The following CHSY1 variants were observed in gnomAD, a reference collection of about 807,000 sequenced individuals.
The protein encoded by CHSY1 is chondroitin sulfate synthase 1.
In CHSY1, 13 loss-of-function variants were observed where a neutral mutation model predicts 59.8. The observed-to-expected ratio is 0.22, with a 90% CI of 0.14 to 0.35. The LOEUF is 0.35. CHSY1 is among the 10% of genes least tolerant of loss of function. The pLI, the probability that CHSY1 is intolerant of heterozygous loss-of-function variation, is 1.00. For missense variants in CHSY1, 947 were observed against 1,030.6 expected (o/e 0.92, Z 1.11); for synonymous variants, 459 against 401.2 (o/e 1.14, Z -1.72).
At chr15:101,215,908 A>C (rs1444481746) in intron 2 of CHSY1, among the ~76,000 whole-genome samples, 1 of 152,226 alleles carries the variant, frequency 6.6e-6, no homozygotes, top group Non-Finnish European at 1.5e-5. Flanking sequence ...AAGGTTAAGT[A>C]ATCCATATTA....
chr15:101,251,281 C>T lies in CHSY1; in HGVS notation c.176G>A (p.Gly59Asp). The change falls in exon 1 of 3, where the codon GGC becomes GAC. Residue 59 changes from glycine to aspartate, a missense_variant. Physicochemically the swap from Gly to Asp is moderately conservative, Grantham distance 94 (BLOSUM62 -1). This residue lies in a region of CHSY1 where 232 missense variants were observed against 188.5 expected (regional missense o/e 1.23). Coordinates refer to ENST00000254190, the MANE Select transcript of CHSY1 (RefSeq NM_014918.5). ...RSGQAAASQA[G>D]GARGDARGAQ... ...CCCGCGCGCATCGCCGCGCGCCCCG[C>T]CGGCCTGGGAAGCCGCCGCCTGCCC... 7.8e-7 allele frequency: 1 copy of T among 1,283,726 alleles called. No homozygotes were observed. Among genetic ancestry groups the T allele is most frequent in the Non-Finnish European group, 9.8e-7 (1 of 1,018,710 alleles). The allele number at this position is 1,283,726 out of a possible 1,614,324, so 79.5% of individuals were successfully genotyped here.
rs550860145 is a variant in CHSY1 at position 101,190,209 on chromosome 15, A to T, written c.817-11229T>A. Among the ~76,000 whole-genome samples the T allele has an allele frequency of 2.0e-5, 3 of 152,076 alleles. No homozygotes were observed. In the East Asian group the frequency reaches 5.8e-4, roughly 29 times the overall value. On this transcript the variant is annotated intron_variant, in intron 2 of 2. Coordinates refer to ENST00000254190, the MANE Select transcript of CHSY1 (RefSeq NM_014918.5). ...TTTCTTTCAAAAAAGAGGGTAAGAA[A>T]AACACTGGAGAGGGGACTGAGGGAA...
In CHSY1 at chr15:101,176,152, A is replaced by C. The variant is rs369417198; in HGVS notation, c.*1236T>G. On this transcript the variant is annotated 3_prime_UTR_variant, in exon 3 of 3. Coordinates refer to ENST00000254190, the MANE Select transcript of CHSY1 (RefSeq NM_014918.5). The stretch of plus-strand genomic sequence containing the variant: ...GTTTACTGCAAATAAAACAGACTAA[A>C]CACACTCCCGATACACATAAATAAT... 3 of 398,078 alleles carry C rather than the reference A, an allele frequency of 7.5e-6. No individual in the cohort carries two copies. The Admixed American group carries it at 1.3e-4, about 18-fold the overall frequency. The allele number at this position is 398,078 out of a possible 1,614,324, so 24.7% of individuals were successfully genotyped here.
chr15:101,206,834 T>C (rs329294), intron 2 of CHSY1, among the ~76,000 whole-genome samples: 9,035 of 152,278 alleles, frequency 0.059, 402 homozygotes, highest in Non-Finnish European at 0.086. Flanking sequence ...CCAAATTTCT[T>C]TTCTCATTTT....
chr15:101,181,233 C>G (rs1261806578), intron 2 of CHSY1, among the ~76,000 whole-genome samples: 1 of 152,138 alleles, frequency 6.6e-6, no homozygotes, highest in African/African-American at 2.4e-5. Context: ...CGGCAGAGAC[C>G]CACAAGCCCA....
Position 101,178,052 on chromosome 15 carries a change from T to G in CHSY1, c.1745A>C (p.Lys582Thr). ...FNSDSNPDKA[K>T]QVELMRDYRI... ...GTAATCTCTCATCAGTTCAACTTGT[T>G]TGGCCTTGTCAGGGTTGGAGTCAGA... The change falls in exon 3 of 3, where the codon AAA (lysine) becomes ACA (threonine). Residue 582 changes from lysine (K) to threonine (T), a missense_variant. Physicochemically the swap from Lys to Thr is moderately conservative, Grantham distance 78. Around this residue, in one of 4 missense-constraint regions of CHSY1, gnomAD observed 602 missense variants for 676.9 expected, o/e 0.89. Transcript: ENST00000254190. 6.2e-7 allele frequency: 1 copy of G among 1,614,188 alleles called. No homozygotes were observed. The highest frequency in any genetic ancestry group is 8.5e-7 in the Non-Finnish European group (1 of 1,180,024).
chr15:101,219,460 G>A (rs1430527704), intron 2 of CHSY1, among the ~76,000 whole-genome samples: 1 of 152,192 alleles, frequency 6.6e-6, no homozygotes. Flanking sequence ...CACGTAGGGA[G>A]GGGTGGATTA....
At chr15:101,184,964 C>T (rs1281190732) in intron 2 of CHSY1, among the ~76,000 whole-genome samples, 2 of 152,184 alleles carry the variant, frequency 1.3e-5, no homozygotes, top group Non-Finnish European at 2.9e-5. Context: ...ATAGCTCTCC[C>T]TTTCTAAAAG....
chr15:101,227,725 G>A (rs1345326366), intron 2 of CHSY1, among the ~76,000 whole-genome samples: 1 of 152,204 alleles, frequency 6.6e-6, no homozygotes, highest in Non-Finnish European at 1.5e-5. Flanking sequence ...TTCAGGGCAA[G>A]CACCAACAGG....
chr15:101,241,987 T>C (rs2039007643), intron 1 of CHSY1, among the ~76,000 whole-genome samples: 1 of 152,234 alleles, frequency 6.6e-6, no homozygotes, highest in South Asian at 2.1e-4. Flanking sequence ...CCTAATACAA[T>C]GTAAATGCTA....
chr15:101,226,716 C>T (rs2038845446), intron 2 of CHSY1, among the ~76,000 whole-genome samples: 1 of 152,228 alleles, frequency 6.6e-6, no homozygotes, highest in Non-Finnish European at 1.5e-5. Flanking sequence ...GCTTTCTGCA[C>T]TGTTGTGTCC....
chr15:101,183,146 T>TA (rs201210186), intron 2 of CHSY1, among the ~76,000 whole-genome samples: 16 of 149,362 alleles, frequency 1.1e-4, no homozygotes, highest in East Asian at 5.9e-4. Context: ...ATCATAACGA[T>TA]AAAAAAAAAC....
In CHSY1 at chr15:101,177,829, A is replaced by T; in HGVS notation, c.1968T>A (p.Phe656Leu). 1 of 1,614,226 alleles carries T rather than the reference A, an allele frequency of 6.2e-7. No homozygotes were observed. The highest frequency in any genetic ancestry group is 8.5e-7 in the Non-Finnish European group (1 of 1,180,032). ...ANTVLGQQIY[F>L]PIIFSQYDPK... is the part of the protein sequence containing the mutation. ...GGTCATACTGGCTGAAGATGATTGG[A>T]AAATATATTTGTTGGCCCAGAACTG... The change falls in exon 3 of 3, where the codon TTT (phenylalanine) becomes TTA (leucine). Residue 656 changes from phenylalanine (F) to leucine (L), a missense_variant. Around this residue, in one of 4 missense-constraint regions of CHSY1, gnomAD observed 602 missense variants for 676.9 expected, o/e 0.89. Transcript: ENST00000254190.
intron 2 of CHSY1, among the ~76,000 whole-genome samples, chr15:101,205,895 T>G (rs1021995104): frequency 1.5e-4 from 22 of 151,076 alleles, no homozygotes; most frequent in African/African-American, 3.7e-4. Context: ...GAGCTTGCAG[T>G]GAGCCGAGAT....
chr15:101,195,237 CTAAT>C (rs2038492251), intron 2 of CHSY1, among the ~76,000 whole-genome samples: 2 of 152,296 alleles, frequency 1.3e-5, no homozygotes, highest in South Asian at 4.1e-4. Flanking sequence ...GATTACAAAA[CTAAT>C]TATACTTTGC....
chr15:101,232,134 C>T (rs1160588460), intron 2 of CHSY1, among the ~76,000 whole-genome samples: 1 of 152,146 alleles, frequency 6.6e-6, no homozygotes, highest in East Asian at 1.9e-4. Flanking sequence ...AAGTGTCATC[C>T]CAAGGTACTA....
At chr15:101,191,137 G>A (rs558446126) in intron 2 of CHSY1, among the ~76,000 whole-genome samples, 1 of 152,306 alleles carries the variant, frequency 6.6e-6, no homozygotes, top group East Asian at 1.9e-4. Flanking sequence ...CAGCACTTTT[G>A]TTCATAATTG....
intron 2 of CHSY1, among the ~76,000 whole-genome samples, chr15:101,194,643 C>T (rs986648815): frequency 1.3e-5 from 2 of 152,196 alleles, no homozygotes; most frequent in Non-Finnish European, 2.9e-5. Flanking sequence ...GGTCTTCAAT[C>T]ACTCACAACC....
At chr15:101,217,925 C>A (rs1479620392) in intron 2 of CHSY1, among the ~76,000 whole-genome samples, 1 of 152,150 alleles carries the variant, frequency 6.6e-6, no homozygotes, top group African/African-American at 2.4e-5. Flanking sequence ...AGTGAAGAAA[C>A]CTGACAGACA....
Sources: allele counts gnomAD v4.1 joint callset (sites outside exome capture counted in the v4.1 genomes callset), GRCh38; gene constraint gnomAD v4.1.1; regional missense constraint gnomAD v4.1.1; transcripts MANE v1.5; gene names NCBI Gene and HGNC (gene_info 2026-07-23, HGNC 2026-07-21).